The following RBMS3 variants were observed in gnomAD, a reference collection of about 807,000 sequenced individuals.
RBMS3 encodes the protein RNA binding motif single stranded interacting protein 3.
Under a neutral mutation model 66.8 loss-of-function variants are expected in RBMS3, and 27 were observed. That is an observed-to-expected ratio of 0.40 (90% CI 0.30 to 0.56). The LOEUF (loss-of-function observed/expected upper bound fraction) is 0.56. Among genes scored for constraint, RBMS3 ranks in the 20% least tolerant of loss-of-function variants. The pLI, the probability that RBMS3 is intolerant of heterozygous loss-of-function variation, is 0.40. For missense variants in RBMS3, 513 were observed against 549.5 expected (o/e 0.93, Z 0.66); for synonymous variants, 188 against 183.0 (o/e 1.03, Z -0.22).
chr3:29,991,231 C>CTCTT, intron 14 of RBMS3, 22 bp downstream of exon 14: 1 of 1,613,820 alleles, frequency 6.2e-7, no homozygotes, highest in Non-Finnish European at 8.5e-7. Flanking sequence ...CTGTGCTAAG[C>CTCTT]TCTTTTCCTC....
chr3:29,317,111 A>G (rs12495625), intron 1 of RBMS3, among the ~76,000 whole-genome samples: 23,410 of 151,680 alleles, frequency 0.15, 2,191 homozygotes, highest in Non-Finnish European at 0.21. Flanking sequence ...AAATATTTGA[A>G]AAAGCCTTAA....
chr3:29,830,918 T>C (rs72848027), intron 6 of RBMS3, among the ~76,000 whole-genome samples: 2,351 of 152,250 alleles, frequency 0.015, 67 homozygotes, highest in African/African-American at 0.053. Flanking sequence ...TAAAGTGACC[T>C]TAGATTCCAG....
chr3:29,780,122 A>G (rs2149408138), intron 6 of RBMS3, among the ~76,000 whole-genome samples: 1 of 151,966 alleles, frequency 6.6e-6, no homozygotes, highest in East Asian at 1.9e-4. Flanking sequence ...TTTTTGAAAC[A>G]TATTGATATA....
chr3:29,871,827 A>G (rs1176353098), intron 7 of RBMS3, among the ~76,000 whole-genome samples: 2 of 152,128 alleles, frequency 1.3e-5, no homozygotes. Flanking sequence ...TTAAAATTTT[A>G]ATTTACTGTT....
chr3:29,813,433 T>C (rs992319261), intron 6 of RBMS3, among the ~76,000 whole-genome samples: 1 of 152,176 alleles, frequency 6.6e-6, no homozygotes, highest in Non-Finnish European at 1.5e-5. Flanking sequence ...TTGGTATCTC[T>C]TTTGGCTTAG....
intron 3 of RBMS3, among the ~76,000 whole-genome samples, chr3:29,561,531 C>T (rs111428508): frequency 0.17 from 25,621 of 152,128 alleles, 2,998 homozygotes; most frequent in African/African-American, 0.33. Context: ...CAGCTCACTG[C>T]AACCTCTGCC....
At chr3:29,624,498 G>A (rs1196993539) in intron 4 of RBMS3, among the ~76,000 whole-genome samples, 1 of 152,038 alleles carries the variant, frequency 6.6e-6, no homozygotes, top group Non-Finnish European at 1.5e-5. Flanking sequence ...GTATCTAGTA[G>A]AATAGCTTTT....
chr3:29,534,391 G>A (rs978720031), intron 3 of RBMS3, among the ~76,000 whole-genome samples: 1 of 152,068 alleles, frequency 6.6e-6, no homozygotes, highest in African/African-American at 2.4e-5. Context: ...ATCTTGGTTG[G>A]GTGAAACAAG....
At position 29,966,418 on chromosome 3, in the gene RBMS3, C is replaced by T. The variant is rs767609136; in HGVS notation, c.1099-21725C>T. On this transcript the variant is annotated intron_variant, in intron 12 of 14. Transcript: ENST00000383767. ...ATTTTGTAGTTTTGCTTGTAGAGGT[C>T]TTTCAACTCCTTTGTTAGGTATATT... Among the ~76,000 whole-genome samples the T allele has an allele frequency of 3.7e-4, 56 of 152,126 alleles. No homozygotes were observed. In the Middle Eastern group the frequency reaches 0.024, roughly 65 times the overall value.
chr3:29,563,611 A>G (rs2046633316), intron 3 of RBMS3, among the ~76,000 whole-genome samples: 3 of 152,236 alleles, frequency 2.0e-5, no homozygotes, highest in African/African-American at 7.2e-5. Context: ...TTCAATTAAT[A>G]TTTATTGAGG....
chr3:29,750,362 C>T (rs1437299953), intron 5 of RBMS3, among the ~76,000 whole-genome samples: 1 of 151,880 alleles, frequency 6.6e-6, no homozygotes, highest in Non-Finnish European at 1.5e-5. Context: ...CTGTGGATGA[C>T]AAAAAGAGTA....
chr3:29,473,126 T>C (rs1210686031), intron 2 of RBMS3, among the ~76,000 whole-genome samples: 2 of 151,142 alleles, frequency 1.3e-5, no homozygotes, highest in African/African-American at 2.4e-5. Flanking sequence ...AGAGTGCCGA[T>C]TGGTGTATTT....
At chr3:29,430,990 A>G (rs1214399328) in intron 1 of RBMS3, among the ~76,000 whole-genome samples, 2 of 152,162 alleles carry the variant, frequency 1.3e-5, no homozygotes, top group African/African-American at 2.4e-5. Flanking sequence ...CTGAACACCT[A>G]CTGTGTGCAG....
intron 1 of RBMS3, among the ~76,000 whole-genome samples, chr3:29,422,876 T>C (rs2040808061): frequency 6.6e-6 from 1 of 152,210 alleles, no homozygotes; most frequent in Admixed American, 6.5e-5. Context: ...GTTTTATAGT[T>C]CAAATTTCTT....
At chr3:29,684,355 G>A (rs1663842391) in intron 4 of RBMS3, among the ~76,000 whole-genome samples, 1 of 152,082 alleles carries the variant, frequency 6.6e-6, no homozygotes, top group Non-Finnish European at 1.5e-5. Flanking sequence ...AGACTTTAAT[G>A]TTTTAAAATA....
chr3:29,524,873 T>A (rs557947685), intron 3 of RBMS3, among the ~76,000 whole-genome samples: 1 of 152,098 alleles, frequency 6.6e-6, no homozygotes, highest in South Asian at 2.1e-4. Flanking sequence ...GAGAACATAG[T>A]GAGACATTGT....
intron 3 of RBMS3, among the ~76,000 whole-genome samples, chr3:29,569,706 T>A (rs1272826403): frequency 6.6e-6 from 1 of 151,826 alleles, no homozygotes; most frequent in Non-Finnish European, 1.5e-5. Context: ...AGTCTTTTTT[T>A]AAAAAAAAGA....
intron 3 of RBMS3, among the ~76,000 whole-genome samples, chr3:29,562,978 A>G (rs2046610237): frequency 6.6e-6 from 1 of 152,182 alleles, no homozygotes; most frequent in South Asian, 2.1e-4. Flanking sequence ...CTGGAAGAAA[A>G]GCATAGAAGG....
chr3:29,825,228 G>A (rs1466373544), intron 6 of RBMS3, among the ~76,000 whole-genome samples: 1 of 151,694 alleles, frequency 6.6e-6, no homozygotes, highest in East Asian at 1.9e-4. Context: ...GTAGAGACAG[G>A]GTTTCACCAT....
Sources: allele counts gnomAD v4.1 joint callset (sites outside exome capture counted in the v4.1 genomes callset), GRCh38; gene constraint gnomAD v4.1.1; transcripts MANE v1.5; gene names NCBI Gene and HGNC (gene_info 2026-07-23, HGNC 2026-07-21).